RXFP1: variants seen among roughly 807,000 people sequenced by gnomAD.
RXFP1 encodes relaxin receptor 1.
A neutral mutation model predicts 89.8 loss-of-function variants in RXFP1; 73 were observed. The observed-to-expected ratio is 0.81, with a 90% confidence interval of 0.67 to 0.99. The LOEUF is 0.99. RXFP1 is among the 50% of genes least tolerant of loss of function. The probability of loss-of-function intolerance (pLI) is 0.00; values close to 1 mark genes in which losing one functional copy is unlikely to be tolerated. For synonymous variants in RXFP1, 277 were observed against 305.5 expected, an observed-to-expected ratio of 0.91 and a Z score of 0.97; for missense variants, 793 against 895.5, an observed-to-expected ratio of 0.89 and a Z score of 1.46.
At chr4:158,550,596 C>T (rs910256563) in intron 1 of RXFP1, among the ~76,000 whole-genome samples, 20 of 152,202 alleles carry the variant, frequency 1.3e-4, no homozygotes, top group African/African-American at 4.6e-4. Context: ...CTTGGCTCCA[C>T]CCCTGACCTT....
intron 4 of RXFP1, among the ~76,000 whole-genome samples, chr4:158,602,539 G>A (rs1301960721): frequency 6.8e-6 from 1 of 147,218 alleles, no homozygotes; most frequent in Non-Finnish European, 1.5e-5. Flanking sequence ...AAATGTTATT[G>A]AAATGAATTT....
At chr4:158,534,914 A>AAT (rs1744938799) in intron 1 of RXFP1, among the ~76,000 whole-genome samples, 1 of 147,636 alleles carries the variant, frequency 6.8e-6, no homozygotes, top group Non-Finnish European at 1.5e-5. Context: ...TACATATAAT[A>AAT]AAATAATTTA....
chr4:158,588,428 T>TAAACAAAG (rs969236573), intron 2 of RXFP1, among the ~76,000 whole-genome samples: 1 of 152,160 alleles, frequency 6.6e-6, no homozygotes, highest in African/African-American at 2.4e-5. Flanking sequence ...AGAGTGGGTG[T>TAAACAAAG]AAACAAAGTT....
rs972789988 is a variant in RXFP1 at position 158,622,320 on chromosome 4, A to AT, written c.756-4500_756-4499insT. On this transcript the variant is annotated intron_variant, in intron 9 of 17. Transcript: ENST00000307765. Reference sequence around the variant, plus strand: ...AGCAAGACTCCATCTCAAATAAAAAAAAAAATTAAAAATAGAACTACCATA... The same window carrying AT: ...AGCAAGACTCCATCTCAAATAAAAAATAAAAATTAAAAATAGAACTACCATA... Among the ~76,000 whole-genome samples, 19 of 152,172 alleles carry AT rather than the reference A, an allele frequency of 1.2e-4. 1 individual carries two copies. The highest frequency in any genetic ancestry group is 4.6e-4 in the African/African-American group (19 of 41,418).
chr4:158,592,237 A>G (rs1759622931), intron 2 of RXFP1, among the ~76,000 whole-genome samples: 1 of 152,232 alleles, frequency 6.6e-6, no homozygotes, highest in African/African-American at 2.4e-5. Context: ...AAAGAAAAAG[A>G]GAAAAGAAAT....
At chr4:158,568,543 A>C (rs1754318637) in intron 1 of RXFP1, among the ~76,000 whole-genome samples, 1 of 152,242 alleles carries the variant, frequency 6.6e-6, no homozygotes, top group African/African-American at 2.4e-5. Flanking sequence ...TAGTCTCAAC[A>C]CAGATTGGTT....
intron 8 of RXFP1, among the ~76,000 whole-genome samples, chr4:158,616,553 A>ATTT (rs150214475): frequency 7.5e-6 from 1 of 133,386 alleles, no homozygotes; most frequent in Non-Finnish European, 1.6e-5. Context: ...GGTTTAGGCT[A>ATTT]TTTTTTTTTT....
At chr4:158,580,425 A>G (rs1757116980) in intron 2 of RXFP1, among the ~76,000 whole-genome samples, 1 of 152,210 alleles carries the variant, frequency 6.6e-6, no homozygotes, top group South Asian at 2.1e-4. Context: ...GTTTAAATGT[A>G]CAATATACCA....
chr4:158,617,725 T>A (rs1208741134), intron 9 of RXFP1, among the ~76,000 whole-genome samples: 2 of 152,146 alleles, frequency 1.3e-5, no homozygotes, highest in Non-Finnish European at 2.9e-5. Context: ...CCAGTAAATT[T>A]GCCTATTTAG....
At chr4:158,611,963 G>A (rs546278846) in intron 6 of RXFP1, among the ~76,000 whole-genome samples, 167 bp from the exon 7 acceptor site, 1 of 152,282 alleles carries the variant, frequency 6.6e-6, no homozygotes, top group African/African-American at 2.4e-5. Context: ...TTTAAAACTA[G>A]GTATGATAAG....
chr4:158,546,273 A>T (rs1748371515), intron 1 of RXFP1, among the ~76,000 whole-genome samples: 1 of 152,192 alleles, frequency 6.6e-6, no homozygotes, highest in Non-Finnish European at 1.5e-5. Context: ...GTGTATAAGA[A>T]TGCTTGGGAT....
At chr4:158,649,374 T>G (rs1477636134) in intron 17 of RXFP1, among the ~76,000 whole-genome samples, 1 of 152,158 alleles carries the variant, frequency 6.6e-6, no homozygotes. Flanking sequence ...GTAAGAAAAT[T>G]TTCTTCCTGT....
chr4:158,625,507 T>A (rs1455911012), intron 9 of RXFP1, among the ~76,000 whole-genome samples: 1 of 152,178 alleles, frequency 6.6e-6, no homozygotes, highest in Non-Finnish European at 1.5e-5. Flanking sequence ...AAACCCCTGA[T>A]ATATTCTATA....
Position 158,648,652 on chromosome 4 carries a change from A to C in RXFP1, c.1910A>C (p.Asp637Ala). 1 of 1,612,996 alleles carries C rather than the reference A, an allele frequency of 6.2e-7. No individual in the cohort carries two copies. Among genetic ancestry groups the C allele is most frequent in the African/African-American group, 1.3e-5 (1 of 75,024 alleles). ...AKRFFFIVFT[D>A]ALCWIPIFVV... is the part of the protein sequence containing the mutation. Reference sequence around the variant, plus strand: ...CGTTTTTTCTTTATAGTATTTACTGATGCATTATGCTGGATACCCATTTTT... The same window carrying C: ...CGTTTTTTCTTTATAGTATTTACTGCTGCATTATGCTGGATACCCATTTTT... The change falls in exon 17 of 18, where the codon GAT becomes GCT. Residue 637 changes from aspartate (D) to alanine (A), a missense_variant. Transcript: ENST00000307765.
chr4:158,615,475 G>A (rs1764371853), intron 8 of RXFP1, among the ~76,000 whole-genome samples: 1 of 151,976 alleles, frequency 6.6e-6, no homozygotes, highest in Admixed American at 6.6e-5. Flanking sequence ...GGTGGAGGTT[G>A]CAGTGAGCCG....
intron 2 of RXFP1, among the ~76,000 whole-genome samples, chr4:158,581,274 A>G (rs1447261816): frequency 6.6e-6 from 1 of 152,220 alleles, no homozygotes; most frequent in Non-Finnish European, 1.5e-5. Flanking sequence ...TAGATATGAT[A>G]GACTATTTCC....
At chr4:158,557,071 G>T (rs1751469078) in intron 1 of RXFP1, among the ~76,000 whole-genome samples, 1 of 152,070 alleles carries the variant, frequency 6.6e-6, no homozygotes, top group South Asian at 2.1e-4. Flanking sequence ...CCAGAAGAGA[G>T]GCTTTTGAAT....
chr4:158,633,519 T>C, intron 12 of RXFP1, 43 bp downstream of exon 12: 2 of 1,266,312 alleles, frequency 1.6e-6, no homozygotes, highest in Non-Finnish European at 2.2e-6. Flanking sequence ...CTTTATTTTA[T>C]TATTTTTTAA....
chr4:158,623,134 A>G (rs972312194), intron 9 of RXFP1, among the ~76,000 whole-genome samples: 9 of 152,174 alleles, frequency 5.9e-5, no homozygotes, highest in African/African-American at 2.2e-4. Context: ...TTATAAGTCT[A>G]TACACACCAA....
Sources: allele counts gnomAD v4.1 joint callset (sites outside exome capture counted in the v4.1 genomes callset), GRCh38; gene constraint gnomAD v4.1.1; transcripts MANE v1.5; gene names NCBI Gene and HGNC (gene_info 2026-07-23, HGNC 2026-07-21).